Variants in PDZD2 observed in about 807,000 individuals in gnomAD.
PDZD2 encodes the protein PDZ domain-containing protein 2.
Under a neutral mutation model 220.7 loss-of-function variants are expected in PDZD2, and 90 were observed. That is an observed-to-expected ratio of 0.41 (90% CI 0.34 to 0.49). The LOEUF (loss-of-function observed/expected upper bound fraction) is 0.49. Ranked by LOEUF, PDZD2 falls within the 20% of genes least tolerant of loss-of-function variation. The pLI, the probability that PDZD2 is intolerant of heterozygous loss-of-function variation, is 0.28. For missense variants in PDZD2, 3,174 were observed against 3,608.5 expected (o/e 0.88, Z 3.08); for synonymous variants, 1,375 against 1,450.5 (o/e 0.95, Z 1.18).
chr5:31,757,484 C>G (rs1233799509), intron 1 of PDZD2, among the ~76,000 whole-genome samples: 1 of 151,674 alleles, frequency 6.6e-6, no homozygotes, highest in African/African-American at 2.4e-5. Flanking sequence ...CCCAGCTACT[C>G]AAGAGGCTGA....
At chr5:31,895,964 AC>A (rs919575450) in intron 2 of PDZD2, among the ~76,000 whole-genome samples, 7 of 151,668 alleles carry the variant, frequency 4.6e-5, no homozygotes, top group African/African-American at 1.5e-4. Flanking sequence ...TCTCACTGTA[AC>A]CCCCCCAGCC....
chr5:31,769,743 G>T (rs1216833165), intron 1 of PDZD2, among the ~76,000 whole-genome samples: 1 of 152,190 alleles, frequency 6.6e-6, no homozygotes, highest in Non-Finnish European at 1.5e-5. Flanking sequence ...CCAGGCCGAG[G>T]CCACAGAGTC....
At chr5:31,990,363 A>G (rs1032612959) in intron 3 of PDZD2, among the ~76,000 whole-genome samples, 1 of 152,178 alleles carries the variant, frequency 6.6e-6, no homozygotes, top group Non-Finnish European at 1.5e-5. Flanking sequence ...AAAGGGTAAC[A>G]CTCCAACAAC....
In PDZD2 at chr5:31,955,296, T is replaced by G. The variant is rs189168387; in HGVS notation, c.477-27859T>G. ...GGCCTCCATCTTTGGTGGGTTTTTT[T>G]TTTTGTTTTGTTTTGTTTTTTCGAG... On this transcript the variant is annotated intron_variant, in intron 2 of 24. Coordinates refer to ENST00000438447, the MANE Select transcript of PDZD2 (RefSeq NM_178140.4). Among the ~76,000 whole-genome samples, 415 of 152,010 alleles carry G rather than the reference T, an allele frequency of 2.7e-3. 2 individuals carry two copies. The highest frequency in any genetic ancestry group is 5.6e-3 in the East Asian group (29 of 5,172).
intron 7 of PDZD2, among the ~76,000 whole-genome samples, chr5:32,047,075 T>C (rs1355235020): frequency 1.3e-5 from 2 of 151,744 alleles, no homozygotes; most frequent in Admixed American, 1.3e-4. Flanking sequence ...AATAAATAAA[T>C]AAATAAAAAT....
chr5:31,717,204 A>T (rs1580613134), intron 1 of PDZD2, among the ~76,000 whole-genome samples: 1 of 152,092 alleles, frequency 6.6e-6, no homozygotes. Flanking sequence ...GGCCTTTGCG[A>T]GTCTAGACCC....
rs1344082586 is a variant in PDZD2 at position 31,762,481 on chromosome 5, T to A, written c.-360-36408T>A. Among the ~76,000 whole-genome samples, 3 of 152,186 alleles carry A rather than the reference T, an allele frequency of 2.0e-5. No homozygotes were observed. In the East Asian group the frequency reaches 5.8e-4, roughly 29 times the overall value. Reference sequence around the variant, plus strand: ...TTTTGTATTTTTGGTAGAGATGGGGTTTCACCATGTTGGTCAGGCTAGTCT... The same window carrying A: ...TTTTGTATTTTTGGTAGAGATGGGGATTCACCATGTTGGTCAGGCTAGTCT... On this transcript the variant is annotated intron_variant, in intron 1 of 24. Coordinates refer to ENST00000438447, the MANE Select transcript of PDZD2 (RefSeq NM_178140.4).
chr5:31,908,437 G>A (rs913810686), intron 2 of PDZD2: 15 of 593,412 alleles, frequency 2.5e-5, no homozygotes, highest in African/African-American at 2.5e-4. Flanking sequence ...CTGGCTGTGC[G>A]TGGAAGTGGA....
intron 1 of PDZD2, among the ~76,000 whole-genome samples, chr5:31,697,473 A>G (rs1158726326): frequency 6.6e-6 from 1 of 152,238 alleles, no homozygotes; most frequent in Non-Finnish European, 1.5e-5. Flanking sequence ...CAAATAAAAA[A>G]GAGAAAGAAA....
intron 2 of PDZD2, among the ~76,000 whole-genome samples, chr5:31,927,388 T>C (rs1247148568): frequency 3.3e-5 from 5 of 151,820 alleles, no homozygotes; most frequent in Admixed American, 2.6e-4. Context: ...TGTTTTTTTG[T>C]TTGTTTGTTT....
intron 2 of PDZD2, among the ~76,000 whole-genome samples, chr5:31,856,370 T>C (rs1758445714): frequency 6.6e-6 from 1 of 152,122 alleles, no homozygotes; most frequent in Admixed American, 6.6e-5. Context: ...GAAAGAGGCC[T>C]GTGTCAGGTC....
intron 18 of PDZD2, among the ~76,000 whole-genome samples, chr5:32,075,254 C>T (rs1554038295): frequency 6.6e-6 from 1 of 152,142 alleles, no homozygotes; most frequent in Non-Finnish European, 1.5e-5. Flanking sequence ...AAACCATGGG[C>T]CTGGCATGAG....
chr5:31,955,013 C>T (rs768355508), intron 2 of PDZD2, among the ~76,000 whole-genome samples: 28 of 152,166 alleles, frequency 1.8e-4, no homozygotes, highest in African/African-American at 6.3e-4. Context: ...ATATCCCCGC[C>T]GGGGTTGAGC....
chr5:31,786,234 C>A (rs1050480624), intron 1 of PDZD2, among the ~76,000 whole-genome samples: 1 of 152,164 alleles, frequency 6.6e-6, no homozygotes, highest in Admixed American at 6.5e-5. Context: ...CCAGCCCTAG[C>A]TCCTGCAAGC....
intron 6 of PDZD2, among the ~76,000 whole-genome samples, chr5:32,029,914 C>G (rs891859005): frequency 6.6e-5 from 10 of 152,182 alleles, no homozygotes; most frequent in Non-Finnish European, 1.2e-4. Context: ...CTTAAAGATG[C>G]CAGTCAGTCT....
Position 32,090,297 on chromosome 5 carries a change from G to A in PDZD2, c.6849G>A (p.Leu2283=). 1 of 1,614,222 alleles carries A rather than the reference G, an allele frequency of 6.2e-7. No individual in the cohort carries two copies. Among genetic ancestry groups the A allele is most frequent in the Non-Finnish European group, 8.5e-7 (1 of 1,180,030 alleles). ...AGGGCATATATAGTGTAAAGCCGCT[G>A]CTGGACACATCGAGGAATCTTCCAG... ...NGQGIYSVKP[L]LDTSRNLPAT... Residue 2283 remains leucine (L), a synonymous_variant, in exon 20 of 25, where the codon CTG becomes CTA. Coordinates refer to ENST00000438447, the MANE Select transcript of PDZD2 (RefSeq NM_178140.4). This position sits in a 1 kb window ranked among gnomAD's most constrained non-coding sequence, Gnocchi z 4.3.
At chr5:31,997,110 C>A (rs1367445953) in intron 4 of PDZD2, among the ~76,000 whole-genome samples, 1 of 152,050 alleles carries the variant, frequency 6.6e-6, no homozygotes, top group African/African-American at 2.4e-5. Context: ...GTTGTATGCC[C>A]ACACATATAC....
chr5:31,839,773 T>C (rs1757157568), intron 2 of PDZD2, among the ~76,000 whole-genome samples: 1 of 152,108 alleles, frequency 6.6e-6, no homozygotes, highest in East Asian at 1.9e-4. Context: ...TTGGAGGTAA[T>C]TGAATAATGG....
intron 2 of PDZD2, among the ~76,000 whole-genome samples, chr5:31,903,825 G>A (rs971662892): frequency 5.3e-5 from 8 of 151,872 alleles, no homozygotes; most frequent in African/African-American, 1.9e-4. Context: ...CTGGGTTCAC[G>A]CAATTCTTCT....
Sources: allele counts gnomAD v4.1 joint callset (sites outside exome capture counted in the v4.1 genomes callset), GRCh38; gene constraint gnomAD v4.1.1; non-coding constraint Gnocchi (gnomAD v3.1); transcripts MANE v1.5; gene names NCBI Gene and HGNC (gene_info 2026-07-23, HGNC 2026-07-21).